MGAT4C: variants seen among roughly 807,000 people sequenced by gnomAD.
The protein encoded by MGAT4C is alpha-1,3-mannosyl-glycoprotein 4-beta-N-acetylglucosaminyltransferase C.
In MGAT4C, 19 loss-of-function variants were observed where a neutral mutation model predicts 40.1. That is an observed-to-expected ratio of 0.47 (90% CI 0.33 to 0.70). The LOEUF (loss-of-function observed/expected upper bound fraction) is 0.70, where lower values mean the gene tolerates loss of function less well. MGAT4C is among the 30% of genes least tolerant of loss of function. MGAT4C has a pLI of 0.02. For missense variants in MGAT4C, 491 were observed against 563.2 expected, an observed-to-expected ratio of 0.87 and a Z score of 1.30; for synonymous variants, 181 against 187.1, an observed-to-expected ratio of 0.97 and a Z score of 0.27.
intron 2 of MGAT4C, among the ~76,000 whole-genome samples, chr12:86,591,797 AATTC>A (rs1961342407): frequency 6.6e-6 from 1 of 151,734 alleles, no homozygotes; most frequent in Admixed American, 6.6e-5. Context: ...ATTCAAATGA[AATTC>A]AAAGAATCAT....
At chr12:86,590,503 G>A (rs1356315699) in intron 2 of MGAT4C, among the ~76,000 whole-genome samples, 1 of 151,916 alleles carries the variant, frequency 6.6e-6, no homozygotes, top group Admixed American at 6.6e-5. Context: ...ATGAGCCTAT[G>A]GCAGTCAATT....
chr12:86,047,641 A>C (rs1192541948), intron 2 of MGAT4C, among the ~76,000 whole-genome samples: 1 of 152,184 alleles, frequency 6.6e-6, no homozygotes, highest in Non-Finnish European at 1.5e-5. Context: ...CTCATAAAAT[A>C]AGAAACAAAC....
chr12:86,816,456 T>A lies in MGAT4C; in HGVS notation c.-262+22210A>T, dbSNP rs188448002. Among the ~76,000 whole-genome samples the A allele has an allele frequency of 6.3e-3, 960 of 151,862 alleles. 4 individuals are homozygous for A. Among genetic ancestry groups the A allele is most frequent in the African/African-American group, 0.018 (751 of 41,522 alleles). ...TGCTGGTATAGGTTTCAAATTTTTTTAAAAAAATTTTTAATCTTTGAAAAT... is the reference window on the plus strand; with the variant it reads ...TGCTGGTATAGGTTTCAAATTTTTTAAAAAAAATTTTTAATCTTTGAAAAT... On this transcript the variant is annotated intron_variant, in intron 1 of 7. Transcript: ENST00000548651.
chr12:86,520,811 G>GCATTTCTCA (rs1958780595), intron 2 of MGAT4C, among the ~76,000 whole-genome samples: 1 of 150,166 alleles, frequency 6.7e-6, no homozygotes, highest in Admixed American at 6.6e-5. Flanking sequence ...ATTTAAGTTT[G>GCATTTCTCA]CATTTCTCAA....
chr12:86,609,553 A>C (rs981151136), intron 2 of MGAT4C, among the ~76,000 whole-genome samples: 1 of 152,202 alleles, frequency 6.6e-6, no homozygotes, highest in South Asian at 2.1e-4. Flanking sequence ...TCCTCAGAAG[A>C]ATAAAGTGTC....
intron 2 of MGAT4C, among the ~76,000 whole-genome samples, chr12:86,010,337 A>T (rs1888331875): frequency 6.6e-6 from 1 of 152,170 alleles, no homozygotes; most frequent in South Asian, 2.1e-4. Flanking sequence ...ATATAAGAAA[A>T]ATATCTGCAA....
chr12:86,804,449 G>T lies in MGAT4C; in HGVS notation c.-262+34217C>A, dbSNP rs533006522. ...TAAAAAAATAAAATAAATAAATAAAGAAAGAAAGAAGAAAAAAATATATAT... is the reference window on the plus strand; with the variant it reads ...TAAAAAAATAAAATAAATAAATAAATAAAGAAAGAAGAAAAAAATATATAT... On this transcript the variant is annotated intron_variant, in intron 1 of 7. Coordinates refer to the MGAT4C transcript ENST00000548651. 3.0e-3 allele frequency among the ~76,000 whole-genome samples: 426 copies of T among 141,702 alleles called. 2 individuals carry two copies. Among genetic ancestry groups the T allele is most frequent in the African/African-American group, 8.4e-3 (341 of 40,432 alleles). 93.0% of individuals were successfully genotyped at this position (141,702 alleles called of 152,430 possible).
At chr12:86,013,083 T>G (rs1234784775) in intron 2 of MGAT4C, among the ~76,000 whole-genome samples, 1 of 151,704 alleles carries the variant, frequency 6.6e-6, no homozygotes, top group Non-Finnish European at 1.5e-5. Flanking sequence ...TTCAAAGAAC[T>G]ATTATCACAC....
At position 86,120,224 on chromosome 12, in the gene MGAT4C, T is replaced by TTTG. The variant is rs555067960; in HGVS notation, c.-56-70502_-56-70501insCAA. ...TTTTTAAATTTTATTATTTTTATTT[T>TTTG]ATTTTATTTTTTAATTATACTTTAA... is the stretch of plus-strand genomic sequence containing the variant. On this transcript the variant is annotated intron_variant, in intron 1 of 4. Coordinates refer to ENST00000611864, the MANE Select transcript of MGAT4C (RefSeq NM_001351288.2). Among the ~76,000 whole-genome samples, 922 of 145,526 alleles carry TTTG rather than the reference T, an allele frequency of 6.3e-3. 5 individuals carry two copies. Among genetic ancestry groups the TTTG allele is most frequent in the African/African-American group, 0.022 (886 of 39,448 alleles).
intron 2 of MGAT4C, among the ~76,000 whole-genome samples, chr12:86,030,779 G>T (rs936695214): frequency 6.6e-6 from 1 of 151,714 alleles, no homozygotes. Context: ...AGAAAAAAAT[G>T]TAAAGATTAT....
intron 1 of MGAT4C, among the ~76,000 whole-genome samples, chr12:86,052,730 C>A (rs1224072968): frequency 6.6e-6 from 1 of 151,770 alleles, no homozygotes; most frequent in East Asian, 1.9e-4. Context: ...TTATATAGTT[C>A]TTGATGGGAA....
At chr12:86,050,972 C>T (rs1236310654) in intron 1 of MGAT4C, among the ~76,000 whole-genome samples, 1 of 151,938 alleles carries the variant, frequency 6.6e-6, no homozygotes, top group Non-Finnish European at 1.5e-5. Flanking sequence ...TTAAAGAGAC[C>T]CAACTATAGA....
chr12:86,129,478 G>C (rs1880840976), intron 1 of MGAT4C, among the ~76,000 whole-genome samples: 1 of 150,522 alleles, frequency 6.6e-6, no homozygotes, highest in African/African-American at 2.4e-5. Context: ...AAGGACTCCA[G>C]CCTTTTTCTC....
chr12:86,827,021 A>G (rs1018100420), intron 1 of MGAT4C, among the ~76,000 whole-genome samples: 1 of 151,488 alleles, frequency 6.6e-6, no homozygotes, highest in African/African-American at 2.4e-5. Flanking sequence ...TCTTTAGAAA[A>G]ATCAATTCAT....
intron 3 of MGAT4C, among the ~76,000 whole-genome samples, chr12:86,433,420 T>A (rs1012461461): frequency 6.6e-6 from 1 of 151,660 alleles, no homozygotes; most frequent in African/African-American, 2.4e-5. Context: ...TGGAAAGATA[T>A]AAACTGAGGG....
intron 1 of MGAT4C, among the ~76,000 whole-genome samples, chr12:86,764,814 T>C (rs1165110607): frequency 6.6e-6 from 1 of 152,046 alleles, no homozygotes; most frequent in African/African-American, 2.4e-5. Context: ...TCCTGTCTGT[T>C]AGAAGGAAAA....
At chr12:86,590,949 A>C (rs2136448210) in intron 2 of MGAT4C, among the ~76,000 whole-genome samples, 1 of 152,124 alleles carries the variant, frequency 6.6e-6, no homozygotes, top group African/African-American at 2.4e-5. Flanking sequence ...TGCATCAGAA[A>C]GTTTATGGCC....
intron 1 of MGAT4C, among the ~76,000 whole-genome samples, chr12:86,093,267 A>G (rs1055460568): frequency 8.6e-5 from 13 of 151,736 alleles, no homozygotes; most frequent in African/African-American, 3.1e-4. Context: ...GACTCTTTCC[A>G]CTCTGACATC....
chr12:86,040,617 T>C (rs1189523342), intron 2 of MGAT4C, among the ~76,000 whole-genome samples: 1 of 151,018 alleles, frequency 6.6e-6, no homozygotes, highest in African/African-American at 2.4e-5. Context: ...TAGAGTTCAG[T>C]CCCAAGCCAG....
Sources: gnomAD v4.1 joint callset for allele counts (sites outside exome capture counted in the v4.1 genomes callset) on GRCh38, gnomAD v4.1.1 for gene constraint, MANE v1.5 for transcripts, NCBI Gene and HGNC (gene_info 2026-07-23, HGNC 2026-07-21) for gene names.